The following NACC1 variants were observed in gnomAD, a reference collection of about 807,000 sequenced individuals.
NACC1 encodes the protein nucleus accumbens associated 1.
Under a neutral mutation model 41.7 loss-of-function variants are expected in NACC1, and 6 were observed. The observed-to-expected ratio is 0.14, with a 90% CI of 0.08 to 0.28. NACC1 has a LOEUF of 0.28. NACC1 is among the 10% of genes least tolerant of loss of function. The probability of loss-of-function intolerance (pLI) is 1.00; values close to 1 mark genes in which losing one functional copy is unlikely to be tolerated. For missense variants in NACC1, 434 were observed against 763.7 expected, an observed-to-expected ratio of 0.57 and a Z score of 5.09; for synonymous variants, 338 against 330.6, an observed-to-expected ratio of 1.02 and a Z score of -0.24.
At chr19:13,128,349 G>A (rs1361567025) in intron 1 of NACC1, among the ~76,000 whole-genome samples, 1 of 152,196 alleles carries the variant, frequency 6.6e-6, no homozygotes, top group Non-Finnish European at 1.5e-5. Flanking sequence ...AGATGAGAGT[G>A]CCAGCGTGGT....
rs781732659 is a variant in NACC1, at chr19:13,138,461, C to T, written c.*55C>T. Reference sequence around the variant, plus strand: ...TTCCCCTCCCAACACACACACACACCTGCCATCTTGGTCATGAGCTACTGT... The same window carrying T: ...TTCCCCTCCCAACACACACACACACTTGCCATCTTGGTCATGAGCTACTGT... On this transcript the variant is annotated 3_prime_UTR_variant, in exon 6 of 6. Transcript: ENST00000292431. The surrounding 1 kb of genome is among the most constrained non-coding windows in gnomAD (Gnocchi z 5.7). The T allele has an allele frequency of 1.5e-5, 23 of 1,580,604 alleles. No individual in the cohort carries two copies. Among genetic ancestry groups the T allele is most frequent in the Non-Finnish European group, 1.9e-5 (22 of 1,166,350 alleles).
At chr19:13,127,943 C>T (rs1049698086) in intron 1 of NACC1, among the ~76,000 whole-genome samples, 2 of 152,144 alleles carry the variant, frequency 1.3e-5, no homozygotes, top group Non-Finnish European at 2.9e-5. Flanking sequence ...CGAGAGCAAG[C>T]AGGGCCAGAC....
chr19:13,135,320 G>A lies in NACC1; in HGVS notation c.113G>A (p.Gly38Asp). The A allele has an allele frequency of 6.2e-7, 1 of 1,613,790 alleles. No individual in the cohort carries two copies. Among genetic ancestry groups the A allele is most frequent in the Non-Finnish European group, 8.5e-7 (1 of 1,180,044 alleles). ...LYCDVSVVVK[G>D]HAFKAHRAVL... Reference sequence around the variant, plus strand: ...TGTGACGTGTCAGTGGTGGTCAAGGGCCATGCCTTCAAGGCCCACCGGGCC... The same window carrying A: ...TGTGACGTGTCAGTGGTGGTCAAGGACCATGCCTTCAAGGCCCACCGGGCC... Residue 38 changes from glycine to aspartate, a missense_variant, in exon 2 of 6, where the codon GGC (glycine) becomes GAC (aspartate). Coordinates refer to ENST00000292431, the MANE Select transcript of NACC1 (RefSeq NM_052876.4).
In NACC1 at chr19:13,138,410, G is replaced by T. The variant is rs375584762; in HGVS notation, c.*4G>T. ...CTCGGCTGAAGCCCTGCAGTAACCC[G>T]CCCAGCCTCCCGCGGGGCCACACAC... On this transcript the variant is annotated 3_prime_UTR_variant, in exon 6 of 6. Coordinates refer to ENST00000292431, the MANE Select transcript of NACC1 (RefSeq NM_052876.4). The surrounding 1 kb of genome is among the most constrained non-coding windows in gnomAD (Gnocchi z 5.7). 6.2e-7 allele frequency: 1 copy of T among 1,608,492 alleles called. No individual in the cohort carries two copies. Among genetic ancestry groups the T allele is most frequent in the Admixed American group, 1.7e-5 (1 of 59,956 alleles).
chr19:13,127,425 C>T (rs1216376296), intron 1 of NACC1, among the ~76,000 whole-genome samples: 6 of 115,932 alleles, frequency 5.2e-5, no homozygotes, highest in Admixed American at 3.3e-4. Flanking sequence ...GGCCGGGTGC[C>T]GTGGCTCACG....
In NACC1 at chr19:13,129,526, C is replaced by G. The variant is rs1468975680; in HGVS notation, c.-8-5674C>G. 2.6e-5 allele frequency among the ~76,000 whole-genome samples: 4 copies of G among 152,278 alleles called. No individual in the cohort carries two copies. The Middle Eastern group carries it at 0.01, about 388-fold the overall frequency. On this transcript the variant is annotated intron_variant, in intron 1 of 5. Coordinates refer to ENST00000292431, the MANE Select transcript of NACC1 (RefSeq NM_052876.4). ...GGCCCACACTGCAGCTCACCCCTGT[C>G]CACTCTGTGCGGGGGCCACTGGGGA...
At chr19:13,122,103 G>A (rs2019502410) in intron 1 of NACC1, among the ~76,000 whole-genome samples, 2 of 152,268 alleles carry the variant, frequency 1.3e-5, no homozygotes, top group South Asian at 2.1e-4. Flanking sequence ...GTGGGGTGAG[G>A]ACCAGCCGAG....
At position 13,122,533 on chromosome 19, in the gene NACC1, G is replaced by T. The variant is rs1024299807; in HGVS notation, c.-9+4079G>T. 2.7e-5 allele frequency among the ~76,000 whole-genome samples: 4 copies of T among 150,930 alleles called. 1 individual carries two copies. The highest frequency in any genetic ancestry group is 3.9e-4 in the East Asian group (2 of 5,138). ...TTTGGTTGCCCCTGCCGGGGGGGGG[G>T]GGGTGTGCTGCTGGCATCTAGTGGG... On this transcript the variant is annotated intron_variant, in intron 1 of 5. Transcript: ENST00000292431.
intron 1 of NACC1, among the ~76,000 whole-genome samples, chr19:13,134,348 C>T (rs889588066): frequency 3.3e-5 from 5 of 152,128 alleles, no homozygotes; most frequent in Non-Finnish European, 7.4e-5. Context: ...GCATGAGCCA[C>T]TGCACCCAGC....
At chr19:13,128,867 GGGCCAGGACTAGGCACTGTCCT>G (rs1212659088) in intron 1 of NACC1, among the ~76,000 whole-genome samples, 4 of 152,226 alleles carry the variant, frequency 2.6e-5, no homozygotes, top group Admixed American at 2.0e-4. Flanking sequence ...CTCAGGCCCA[GGGCCAGGACTAGGCACTGTCCT>G]GGCCAGGAAG....
At chr19:13,126,048 C>CTT (rs79360796) in intron 1 of NACC1, among the ~76,000 whole-genome samples, 1 of 141,020 alleles carries the variant, frequency 7.1e-6, no homozygotes, top group Non-Finnish European at 1.6e-5. Flanking sequence ...AAAGGCCTAA[C>CTT]TTTTTTTTTT....
At chr19:13,120,537 CCTCCA>C (rs536560181) in intron 1 of NACC1, among the ~76,000 whole-genome samples, 1 of 152,260 alleles carries the variant, frequency 6.6e-6, no homozygotes, top group East Asian at 1.9e-4. Flanking sequence ...CCCAGGACAC[CCTCCA>C]ACCTGGGCCC....
Position 13,135,492 on chromosome 19 carries a change from C to G in NACC1, c.285C>G (p.Gly95=), listed in dbSNP as rs143634134. Residue 95 remains glycine, a synonymous_variant, in exon 2 of 6, where the codon GGC becomes GGG. Transcript: ENST00000292431. ...CYTGRLSMNV[G]DQFLLMYTAG... is the part of the protein sequence containing the mutation. ...CGGGCCGGCTGAGCATGAACGTGGG[C>G]GACCAGTTCCTGCTCATGTACACGG... 3.7e-6 allele frequency: 6 copies of G among 1,613,722 alleles called. No homozygotes were observed. The highest frequency in any genetic ancestry group is 5.1e-6 in the Non-Finnish European group (6 of 1,179,926).
At position 13,137,565 on chromosome 19, in the gene NACC1, C is replaced by T. The variant is rs1286083389; in HGVS notation, c.1314C>T (p.His438=). Residue 438 remains histidine, a synonymous_variant, in exon 5 of 6, where the codon CAC becomes CAT. Coordinates refer to ENST00000292431, the MANE Select transcript of NACC1 (RefSeq NM_052876.4). This position sits in a 1 kb window ranked among gnomAD's most constrained non-coding sequence, Gnocchi z 6.1. ...AGCCCCTGGACAGCCGCGTGCTCCA[C>T]GCTGTCAAGTGTGAGTGTTGGCCCA... The part of the protein sequence containing the change: ...RRKPLDSRVL[H]AVKYYCQNFA... 1.9e-5 allele frequency: 30 copies of T among 1,554,350 alleles called. No individual in the cohort carries two copies. The highest frequency in any genetic ancestry group is 2.4e-5 in the East Asian group (1 of 41,360).
At position 13,125,905 on chromosome 19, in the gene NACC1, T is replaced by A. The variant is rs1169728937; in HGVS notation, c.-9+7451T>A. 2.6e-5 allele frequency among the ~76,000 whole-genome samples: 4 copies of A among 151,838 alleles called. No homozygotes were observed. The East Asian group carries it at 7.8e-4, about 30-fold the overall frequency. On this transcript the variant is annotated intron_variant, in intron 1 of 5. Transcript: ENST00000292431. Reference sequence around the variant, plus strand: ...GCGTGCACCACTGCGCCCAGCTAATTTTTGTATTTTTAGTAGAGATGGGGT... The same window carrying A: ...GCGTGCACCACTGCGCCCAGCTAATATTTGTATTTTTAGTAGAGATGGGGT...
At position 13,130,602 on chromosome 19, in the gene NACC1, C is replaced by T. The variant is rs994422991; in HGVS notation, c.-8-4598C>T. On this transcript the variant is annotated intron_variant, in intron 1 of 5. Transcript: ENST00000292431. ...CCAGGCTGGAGTGTAGTGACTCGAT[C>T]TCAGCTCACTGCAACCTCCACCTCC... 2.0e-4 allele frequency among the ~76,000 whole-genome samples: 29 copies of T among 142,970 alleles called. 1 individual carries two copies. Among genetic ancestry groups the T allele is most frequent in the African/African-American group, 7.4e-4 (28 of 38,032 alleles). 93.8% of individuals were successfully genotyped at this position (142,970 alleles called of 152,430 possible).
intron 1 of NACC1, among the ~76,000 whole-genome samples, chr19:13,133,019 A>G (rs2019652359): frequency 6.6e-6 from 1 of 152,172 alleles, no homozygotes; most frequent in Admixed American, 6.5e-5. Context: ...GATTAGGAGG[A>G]GAGTGGCCAC....
intron 1 of NACC1, among the ~76,000 whole-genome samples, chr19:13,133,540 T>C (rs1207875008): frequency 6.6e-6 from 1 of 152,146 alleles, no homozygotes; most frequent in Non-Finnish European, 1.5e-5. Flanking sequence ...GTCCTTTTGT[T>C]TGGCCTCTTT....
intron 1 of NACC1, among the ~76,000 whole-genome samples, chr19:13,121,874 A>C (rs2019498975): frequency 6.6e-6 from 1 of 152,178 alleles, no homozygotes; most frequent in Non-Finnish European, 1.5e-5. Flanking sequence ...TGTTATCATC[A>C]TTTGACACAC....
Sources: gnomAD v4.1 joint callset for allele counts (sites outside exome capture counted in the v4.1 genomes callset) on GRCh38, gnomAD v4.1.1 for gene constraint, Gnocchi (gnomAD v3.1) non-coding constraint, MANE v1.5 for transcripts, NCBI Gene and HGNC (gene_info 2026-07-23, HGNC 2026-07-21) for gene names.